The following MRPS31 variants were observed in gnomAD, a reference collection of about 807,000 sequenced individuals.
MRPS31 encodes the protein mitochondrial ribosomal protein S31, also known as small ribosomal subunit protein mS31.
MRPS31 carries 32 observed loss-of-function variants against 43.1 expected under a neutral mutation model. That is an observed-to-expected ratio of 0.74 (90% CI 0.56 to 1.00). The LOEUF is 1.00. MRPS31 is among the 50% of genes least tolerant of loss of function. The pLI is 0.00. For missense variants in MRPS31, 437 were observed against 466.7 expected (o/e 0.94, Z 0.59); for synonymous variants, 165 against 161.6 (o/e 1.02, Z -0.16).
chr13:40,756,451 G>T (rs529835795), intron 4 of MRPS31, among the ~76,000 whole-genome samples: 1 of 152,016 alleles, frequency 6.6e-6, no homozygotes, highest in Non-Finnish European at 1.5e-5. Flanking sequence ...CATTGATGGT[G>T]GGTTATTTCT....
At chr13:40,734,992 G>A (rs1331911028) in intron 6 of MRPS31, among the ~76,000 whole-genome samples, 2 of 152,172 alleles carry the variant, frequency 1.3e-5, no homozygotes, top group East Asian at 1.9e-4. Context: ...CGCAGAAGAC[G>A]GGTGATTTCT....
At chr13:40,733,039 T>C (rs892773416) in intron 6 of MRPS31, among the ~76,000 whole-genome samples, 7 of 148,140 alleles carry the variant, frequency 4.7e-5, no homozygotes, top group African/African-American at 1.7e-4. Context: ...AGTTTCACTC[T>C]TGTTGCCCAG....
At chr13:40,768,514 G>T (rs1880913088) in intron 1 of MRPS31, among the ~76,000 whole-genome samples, 2 of 151,952 alleles carry the variant, frequency 1.3e-5, no homozygotes, top group South Asian at 4.2e-4. Context: ...GCTCACTGCA[G>T]CCTTGACCTC....
At chr13:40,754,330 C>G (rs1880470470) in intron 4 of MRPS31, among the ~76,000 whole-genome samples, 1 of 152,032 alleles carries the variant, frequency 6.6e-6, no homozygotes, top group Admixed American at 6.6e-5. Context: ...TCCAAAATAC[C>G]TAATTGAAAA....
intron 5 of MRPS31, 133 bp downstream of exon 5, chr13:40,753,886 G>T: frequency 1.6e-6 from 1 of 626,780 alleles, no homozygotes; most frequent in Non-Finnish European, 2.7e-6. Flanking sequence ...TGTAACAACC[G>T]CCACATTCAT....
intron 5 of MRPS31, among the ~76,000 whole-genome samples, chr13:40,751,790 TA>T (rs975088597): frequency 2.8e-4 from 42 of 152,256 alleles, no homozygotes; most frequent in African/African-American, 9.6e-4. Flanking sequence ...ATAGCATATT[TA>T]AACAGTACCT....
intron 2 of MRPS31, among the ~76,000 whole-genome samples, chr13:40,762,378 A>G (rs918623285): frequency 2.0e-5 from 3 of 152,122 alleles, no homozygotes; most frequent in African/African-American, 7.2e-5. Context: ...TTTGATTCTA[A>G]TCTTTGCTCA....
Position 40,758,985 on chromosome 13 carries a change from ACT to A in MRPS31, c.560_561del (p.Glu187ValfsTer11). ...LLSQLQQHEE[E>X]SRAQRDAKRP... ...CGCTTTGCATCTCTCTGTGCCCTTG[ACT>A]CTTCCTCATGCTGCTGGAGCTGGCT... On this transcript the variant is annotated frameshift_variant, in exon 3 of 7. Coordinates refer to ENST00000323563, the MANE Select transcript of MRPS31 (RefSeq NM_005830.4). LOFTEE classifies it high-confidence loss of function. 6.2e-7 allele frequency: 1 copy of A among 1,606,868 alleles called. No individual in the cohort carries two copies. The highest frequency in any genetic ancestry group is 8.5e-7 in the Non-Finnish European group (1 of 1,177,784).
chr13:40,743,677 C>A (rs1247837606), intron 6 of MRPS31, among the ~76,000 whole-genome samples: 1 of 152,074 alleles, frequency 6.6e-6, no homozygotes. Context: ...GTCTGAATAG[C>A]TACTATTAAA....
At chr13:40,753,273 T>TA (rs1880440921) in intron 5 of MRPS31, among the ~76,000 whole-genome samples, 1 of 152,228 alleles carries the variant, frequency 6.6e-6, no homozygotes. Flanking sequence ...TTCAGTAAGT[T>TA]ATTTTGTAAA....
rs1477231102 is a variant in MRPS31 at position 40,736,450 on chromosome 13, G to A, written c.959-6849C>T. Among the ~76,000 whole-genome samples the A allele has an allele frequency of 4.1e-5, 6 of 145,048 alleles. No individual in the cohort carries two copies. In the East Asian group the frequency reaches 6.6e-4, roughly 16 times the overall value. ...AGAGAACGCCACAAAGATACTCCTC[G>A]AGAAAAGCAACTCCAAGACACATAA... On this transcript the variant is annotated intron_variant, in intron 6 of 6. Transcript: ENST00000323563.
intron 3 of MRPS31, 132 bp downstream of exon 3, chr13:40,758,816 A>G (rs1234015642): frequency 1.5e-5 from 13 of 872,956 alleles, no homozygotes; most frequent in Non-Finnish European, 1.9e-5. Context: ...TTGAATTGCT[A>G]AAATTATGTG....
intron 4 of MRPS31, among the ~76,000 whole-genome samples, chr13:40,756,288 G>A (rs1031701984): frequency 2.0e-5 from 3 of 152,190 alleles, no homozygotes; most frequent in African/African-American, 7.2e-5. Flanking sequence ...GAAACGTTAT[G>A]CAAATACAGA....
chr13:40,758,091 C>A (rs1210192848), intron 3 of MRPS31, among the ~76,000 whole-genome samples: 1 of 149,638 alleles, frequency 6.7e-6, no homozygotes, highest in East Asian at 2.0e-4. Context: ...TGCAGTGAGC[C>A]GAGATCGCGC....
intron 1 of MRPS31, chr13:40,770,750 G>A (rs768086731): frequency 2.0e-6 from 1 of 509,060 alleles, no homozygotes; most frequent in Non-Finnish European, 3.5e-6. Flanking sequence ...TAAACTGACA[G>A]GAGATGATGA....
chr13:40,761,932 A>AAAAG (rs1555260135), intron 2 of MRPS31, among the ~76,000 whole-genome samples: 13 of 151,678 alleles, frequency 8.6e-5, no homozygotes, highest in African/African-American at 2.9e-4. Context: ...AAAAAAAAAA[A>AAAAG]AAAGAAAGAA....
intron 5 of MRPS31, chr13:40,749,520 T>C (rs1054862572): frequency 9.8e-6 from 3 of 304,718 alleles, no homozygotes; most frequent in Non-Finnish European, 1.2e-5. Context: ...CCCCCTCTAC[T>C]GGAAAGAAAA....
chr13:40,764,791 C>T (rs1353263539), intron 2 of MRPS31, among the ~76,000 whole-genome samples: 8 of 152,188 alleles, frequency 5.3e-5, no homozygotes, highest in Admixed American at 2.6e-4. Flanking sequence ...ACTTCTAAGT[C>T]TTCCAACTGA....
rs1880608636 is a variant in MRPS31 at position 40,758,810 on chromosome 13, A to T, written c.599+138T>A. 5 of 795,782 alleles carry T rather than the reference A, an allele frequency of 6.3e-6. No individual in the cohort carries two copies. The East Asian group carries it at 1.6e-4, about 25-fold the overall frequency. 49.3% of individuals were successfully genotyped at this position (795,782 alleles called of 1,614,324 possible). A position where few individuals can be genotyped will look rare whatever the true frequency, so the allele number is the denominator to read the frequency against. On this transcript the variant is annotated intron_variant, in intron 3 of 6. Transcript: ENST00000323563. ...AGACATAAGTTTTTTAAAAAGTTGAATTGCTAAAATTATGTGGTATATTTT... is the reference window on the plus strand; with the variant it reads ...AGACATAAGTTTTTTAAAAAGTTGATTTGCTAAAATTATGTGGTATATTTT...
Sources: gnomAD v4.1 joint callset for allele counts (sites outside exome capture counted in the v4.1 genomes callset) on GRCh38, gnomAD v4.1.1 for gene constraint, MANE v1.5 for transcripts, NCBI Gene and HGNC (gene_info 2026-07-23, HGNC 2026-07-21) for gene names.